The following FLT1 variants were observed in gnomAD, a reference collection of about 807,000 sequenced individuals.
FLT1 encodes vascular endothelial growth factor receptor 1.
In FLT1, 49 loss-of-function variants were observed where a neutral mutation model predicts 156.3. The observed-to-expected ratio is 0.31, with a 90% CI of 0.25 to 0.40. The LOEUF (loss-of-function observed/expected upper bound fraction) is 0.40, where lower values mean the gene tolerates loss of function less well. Ranked by LOEUF, FLT1 falls within the 10% of genes least tolerant of loss-of-function variation. FLT1 has a pLI of 1.00. For synonymous variants in FLT1, 594 were observed against 583.8 expected (o/e 1.02, Z -0.25); for missense variants, 1,322 against 1,637.2 (o/e 0.81, Z 3.32).
chr13:28,364,763 T>C (rs1326633979), intron 14 of FLT1, among the ~76,000 whole-genome samples: 1 of 152,214 alleles, frequency 6.6e-6, no homozygotes, highest in Non-Finnish European at 1.5e-5. Flanking sequence ...TGTATTTGTG[T>C]ATTTGTGGTT....
At chr13:28,427,574 T>C (rs1877421522) in intron 9 of FLT1, among the ~76,000 whole-genome samples, 178 bp downstream of exon 9, 1 of 152,230 alleles carries the variant, frequency 6.6e-6, no homozygotes, top group African/African-American at 2.4e-5. Context: ...ATGCCGCCTA[T>C]GGAATACAAC....
At chr13:28,374,516 C>T (rs1035215705) in intron 14 of FLT1, among the ~76,000 whole-genome samples, 2 of 148,046 alleles carry the variant, frequency 1.4e-5, no homozygotes, top group African/African-American at 2.5e-5. Flanking sequence ...TATTTCTTTT[C>T]TTTTTTTTTT....
At chr13:28,390,484 C>T (rs1365752559) in intron 12 of FLT1, among the ~76,000 whole-genome samples, 1 of 152,160 alleles carries the variant, frequency 6.6e-6, no homozygotes, top group Non-Finnish European at 1.5e-5. Context: ...CAACCTCCAC[C>T]TCCAGGGTTC....
At chr13:28,437,578 A>T (rs1046449414) in intron 4 of FLT1, among the ~76,000 whole-genome samples, 2 of 152,182 alleles carry the variant, frequency 1.3e-5, no homozygotes, top group African/African-American at 4.8e-5. Context: ...CTGATTAATT[A>T]GCTAGAATGT....
rs1565998842 is a variant in FLT1, at chr13:28,389,939, AT to A, written c.1825del (p.Met609TrpfsTer16). 6.2e-7 allele frequency: 1 copy of A among 1,614,082 alleles called. No homozygotes were observed. Among genetic ancestry groups the A allele is most frequent in the Non-Finnish European group, 8.5e-7 (1 of 1,180,018 alleles). On this transcript the variant is annotated frameshift_variant, in exon 13 of 30. Transcript: ENST00000282397. LOFTEE classifies it high-confidence loss of function. ...GATGGAGTGCTCCTTAGTGATGGCC[AT>A]TTTTTGCTTGCTAATACTGTAGTGC... ...TMHYSISKQK[M>X]AITKEHSITL...
chr13:28,319,668 C>T (rs1871359956), intron 23 of FLT1, 134 bp from the exon 24 acceptor site: 2 of 677,928 alleles, frequency 3.0e-6, no homozygotes, highest in African/African-American at 3.5e-5. Flanking sequence ...GGTTTCCTAA[C>T]ATAGAGAACA....
In FLT1 at chr13:28,303,335, C is replaced by T. The variant is rs200740227; in HGVS notation, c.3849G>A (p.Gly1283=). 5.6e-5 allele frequency: 90 copies of T among 1,613,916 alleles called. No homozygotes were observed. The highest frequency in any genetic ancestry group is 7.3e-5 in the Non-Finnish European group (86 of 1,180,008). The change falls in exon 30 of 30, where the codon GGG becomes GGA. Residue 1283 remains glycine (G), a synonymous_variant. Transcript: ENST00000282397. The stretch of plus-strand genomic sequence containing the variant: ...AACTGGGCCTGCTGACATCAGACAG[C>T]CCCGACTCCTTACTTTTACTGGTTA... The part of the protein sequence containing the change: ...LRVTSKSKES[G]LSDVSRPSFC...
intron 8 of FLT1, among the ~76,000 whole-genome samples, chr13:28,429,380 T>C (rs1394376293): frequency 1.3e-5 from 2 of 152,184 alleles, no homozygotes; most frequent in Admixed American, 1.3e-4. Context: ...TGTAATGACT[T>C]GAGCCAAAGA....
chr13:28,313,238 C>G (rs139711240), intron 25 of FLT1, among the ~76,000 whole-genome samples: 1,815 of 152,216 alleles, frequency 0.012, 28 homozygotes, highest in African/African-American at 0.04. Context: ...CTCGGCCTCC[C>G]AAAGTTCTGG....
intron 10 of FLT1, among the ~76,000 whole-genome samples, chr13:28,422,582 C>A (rs1174041341): frequency 2.6e-5 from 4 of 152,112 alleles, no homozygotes; most frequent in African/African-American, 7.2e-5. Context: ...AAAAGACAAT[C>A]CAGAAACAAC....
chr13:28,367,299 G>A (rs973397463), intron 14 of FLT1, among the ~76,000 whole-genome samples: 4 of 152,184 alleles, frequency 2.6e-5, no homozygotes, highest in African/African-American at 9.7e-5. Context: ...ACTTTACACT[G>A]GGCTGTTTTT....
chr13:28,317,412 T>A, intron 25 of FLT1, 86 bp downstream of exon 25: 1 of 889,704 alleles, frequency 1.1e-6, no homozygotes, highest in Non-Finnish European at 1.9e-6. Context: ...ACTGGGACTC[T>A]AAGAATCCAT....
intron 12 of FLT1, among the ~76,000 whole-genome samples, chr13:28,393,760 T>C (rs1478503124): frequency 6.6e-6 from 1 of 152,072 alleles, no homozygotes; most frequent in Non-Finnish European, 1.5e-5. Context: ...CTAGTTTTTG[T>C]ATTTTTTGTA....
At chr13:28,311,475 T>C in intron 27 of FLT1, 115 bp downstream of exon 27, 1 of 911,808 alleles carries the variant, frequency 1.1e-6, no homozygotes. Context: ...TCTTTCTCTC[T>C]TTCTTTCTTT....
intron 11 of FLT1, chr13:28,399,119 C>T: frequency 6.5e-7 from 1 of 1,549,140 alleles, no homozygotes; most frequent in South Asian, 1.2e-5. Flanking sequence ...CTGGTGGAAG[C>T]TGGAAGACAG....
Position 28,314,177 on chromosome 13 carries a change from G to A in FLT1, c.3387-2079C>T, listed in dbSNP as rs545059059. 3.0e-4 allele frequency among the ~76,000 whole-genome samples: 45 copies of A among 152,256 alleles called. 1 individual carries two copies. Among genetic ancestry groups the A allele is most frequent in the East Asian group, 1.9e-4 (1 of 5,172 alleles). On this transcript the variant is annotated intron_variant, in intron 25 of 29. Coordinates refer to ENST00000282397, the MANE Select transcript of FLT1 (RefSeq NM_002019.4). ...GCCTTCAGGCAGAGGCTCTGGGCTCGTCTCCTCCTGCACCATCGTCTCCCC... is the reference window on the plus strand; with the variant it reads ...GCCTTCAGGCAGAGGCTCTGGGCTCATCTCCTCCTGCACCATCGTCTCCCC...
chr13:28,400,424 T>G (rs753107254), intron 11 of FLT1, among the ~76,000 whole-genome samples: 3 of 152,196 alleles, frequency 2.0e-5, no homozygotes, highest in Non-Finnish European at 4.4e-5. Context: ...TTTATCTCAT[T>G]TCTAGAGTAC....
intron 3 of FLT1, among the ~76,000 whole-genome samples, chr13:28,448,485 T>C (rs9508039): frequency 0.11 from 17,215 of 152,198 alleles, 1,262 homozygotes; most frequent in Non-Finnish European, 0.16. Context: ...AAAAATATTA[T>C]GCTGAGTGAA....
At chr13:28,463,030 G>A (rs1250824817) in intron 3 of FLT1, among the ~76,000 whole-genome samples, 1 of 152,190 alleles carries the variant, frequency 6.6e-6, no homozygotes, top group East Asian at 1.9e-4. Context: ...CTTGTAAAAT[G>A]AAGAGAACGA....
Sources: allele counts gnomAD v4.1 joint callset (sites outside exome capture counted in the v4.1 genomes callset), GRCh38; gene constraint gnomAD v4.1.1; transcripts MANE v1.5; gene names NCBI Gene and HGNC (gene_info 2026-07-23, HGNC 2026-07-21).